BMP6: variants seen among roughly 807,000 people sequenced by gnomAD.
BMP6 encodes VG-1-R.
A neutral mutation model predicts 54.1 loss-of-function variants in BMP6; 17 were observed. That is an observed-to-expected ratio of 0.31 (90% CI 0.22 to 0.47). The LOEUF is 0.47. Ranked by LOEUF, BMP6 falls within the 20% of genes least tolerant of loss-of-function variation. The pLI, the probability that BMP6 is intolerant of heterozygous loss-of-function variation, is 1.00. For synonymous variants in BMP6, 328 were observed against 291.2 expected, an observed-to-expected ratio of 1.13 and a Z score of -1.28; for missense variants, 720 against 690.4, an observed-to-expected ratio of 1.04 and a Z score of -0.48.
rs373427843 is a variant in BMP6 at position 7,872,805 on chromosome 6, T to C, written c.1205-6269T>C. Among the ~76,000 whole-genome samples the C allele has an allele frequency of 3.1e-3, 359 of 117,328 alleles. 2 individuals are homozygous for C. Among genetic ancestry groups the C allele is most frequent in the African/African-American group, 0.013 (334 of 25,682 alleles). 77.0% of individuals were successfully genotyped at this position (117,328 alleles called of 152,430 possible). On this transcript the variant is annotated intron_variant, in intron 4 of 6. Coordinates refer to ENST00000283147, the MANE Select transcript of BMP6 (RefSeq NM_001718.6). ...AGTGTCTTGCAATTCAATCCAATTCTTTTTTTTTCTTTTTTTTTTTTTTTT... is the reference window on the plus strand; with the variant it reads ...AGTGTCTTGCAATTCAATCCAATTCCTTTTTTTTCTTTTTTTTTTTTTTTT...
intron 1 of BMP6, among the ~76,000 whole-genome samples, chr6:7,728,415 G>T (rs1761787521): frequency 6.6e-6 from 1 of 152,200 alleles, no homozygotes; most frequent in Non-Finnish European, 1.5e-5. Context: ...TGAACCGGTT[G>T]CCAGGCAACA....
At chr6:7,821,638 C>T (rs546899925) in intron 1 of BMP6, among the ~76,000 whole-genome samples, 2 of 149,088 alleles carry the variant, frequency 1.3e-5, no homozygotes, top group East Asian at 3.9e-4. Flanking sequence ...ATCACATGAC[C>T]TTGAGTAAGT....
chr6:7,863,633 T>C (rs1338357661), intron 4 of BMP6, among the ~76,000 whole-genome samples: 1 of 152,038 alleles, frequency 6.6e-6, no homozygotes, highest in East Asian at 1.9e-4. Context: ...AGGAATAAGG[T>C]GAGTCCCATT....
chr6:7,739,475 A>G (rs1762009604), intron 1 of BMP6, among the ~76,000 whole-genome samples: 1 of 152,168 alleles, frequency 6.6e-6, no homozygotes, highest in African/African-American at 2.4e-5. Context: ...GTCACTTATT[A>G]TCCTATTATC....
chr6:7,849,596 G>T (rs551107577), intron 2 of BMP6, among the ~76,000 whole-genome samples: 1 of 152,222 alleles, frequency 6.6e-6, no homozygotes, highest in Admixed American at 6.5e-5. Context: ...GTGACATTTT[G>T]AGGTCTTTAG....
chr6:7,813,877 G>T (rs1328002678), intron 1 of BMP6, among the ~76,000 whole-genome samples: 1 of 152,024 alleles, frequency 6.6e-6, no homozygotes, highest in Non-Finnish European at 1.5e-5. Flanking sequence ...TTTCCTCTAC[G>T]GAGGGAAAGC....
chr6:7,845,452 G>A lies in BMP6; in HGVS notation c.857+120G>A, dbSNP rs577703552. On this transcript the variant is annotated intron_variant, in intron 2 of 6. Coordinates refer to ENST00000283147, the MANE Select transcript of BMP6 (RefSeq NM_001718.6). ...CCTGGAGTTCAGGGGCAGCATGTGAGTACGATGAGGTGGGTGTTGTAAATG... is the reference window on the plus strand; with the variant it reads ...CCTGGAGTTCAGGGGCAGCATGTGAATACGATGAGGTGGGTGTTGTAAATG... The A allele has an allele frequency of 6.0e-6, 5 of 836,278 alleles. No individual in the cohort carries two copies. The African/African-American group carries it at 8.7e-5, about 15-fold the overall frequency. The allele number at this position is 836,278 out of a possible 1,614,324, so 51.8% of individuals were successfully genotyped here. A position where few individuals can be genotyped will look rare whatever the true frequency, so the allele number is the denominator to read the frequency against.
At chr6:7,784,223 G>A (rs927251690) in intron 1 of BMP6, among the ~76,000 whole-genome samples, 31 of 152,210 alleles carry the variant, frequency 2.0e-4, no homozygotes, top group African/African-American at 7.0e-4. Flanking sequence ...TTCCTTTTGT[G>A]ATTGTTGACA....
In BMP6 at chr6:7,844,573, C is replaced by T. The variant is rs116280550; in HGVS notation, c.665-567C>T. ...ACAGGCAAAATGTGAAGACCCTTTA[C>T]ACTTCAGGCCCAGGCAAAATGCTTT... On this transcript the variant is annotated intron_variant, in intron 1 of 6. Transcript: ENST00000283147. Among the ~76,000 whole-genome samples the T allele has an allele frequency of 5.2e-3, 788 of 152,234 alleles. 6 individuals are homozygous for T. Among genetic ancestry groups the T allele is most frequent in the Admixed American group, 0.013 (201 of 15,298 alleles).
chr6:7,780,876 A>G (rs1394528717), intron 1 of BMP6, among the ~76,000 whole-genome samples: 1 of 151,742 alleles, frequency 6.6e-6, no homozygotes, highest in Non-Finnish European at 1.5e-5. Context: ...ACACCTGGCT[A>G]ATTTTTGTAT....
chr6:7,785,064 A>G (rs1313576749), intron 1 of BMP6, among the ~76,000 whole-genome samples: 3 of 152,232 alleles, frequency 2.0e-5, no homozygotes, highest in Non-Finnish European at 4.4e-5. Context: ...TCCCAGCCCC[A>G]AGCACCTGTT....
At chr6:7,743,463 A>G (rs959214282) in intron 1 of BMP6, among the ~76,000 whole-genome samples, 1 of 152,228 alleles carries the variant, frequency 6.6e-6, no homozygotes, top group East Asian at 1.9e-4. Flanking sequence ...GTGTTGGATG[A>G]CATGAGATGC....
At chr6:7,845,371 C>G in intron 2 of BMP6, 39 bp downstream of exon 2, 1 of 1,555,406 alleles carries the variant, frequency 6.4e-7, no homozygotes, top group South Asian at 1.2e-5. Flanking sequence ...TGGGGCTGGC[C>G]CCTGTTTCCC....
intron 1 of BMP6, among the ~76,000 whole-genome samples, chr6:7,747,814 T>C (rs1757368608): frequency 7.0e-6 from 1 of 141,910 alleles, no homozygotes; most frequent in Admixed American, 7.0e-5. Context: ...GACTAGCTAA[T>C]TTTTTTTTTT....
At chr6:7,751,908 T>C (rs1210852261) in intron 1 of BMP6, among the ~76,000 whole-genome samples, 1 of 152,252 alleles carries the variant, frequency 6.6e-6, no homozygotes, top group Non-Finnish European at 1.5e-5. Flanking sequence ...GGTGTACCTT[T>C]GAATGGTGTA....
intron 1 of BMP6, among the ~76,000 whole-genome samples, chr6:7,773,039 C>T (rs990744738): frequency 1.3e-5 from 2 of 152,118 alleles, no homozygotes; most frequent in African/African-American, 4.8e-5. Flanking sequence ...GGGACTCTTC[C>T]AAGGCCCTCC....
chr6:7,777,751 A>G (rs1467676670), intron 1 of BMP6, among the ~76,000 whole-genome samples: 2 of 152,098 alleles, frequency 1.3e-5, no homozygotes, highest in East Asian at 1.9e-4. Flanking sequence ...GAACTACCAA[A>G]TTAGTCCTCT....
At chr6:7,795,279 G>A (rs1758175698) in intron 1 of BMP6, among the ~76,000 whole-genome samples, 1 of 152,186 alleles carries the variant, frequency 6.6e-6, no homozygotes, top group Non-Finnish European at 1.5e-5. Context: ...AGAACCACAA[G>A]GAAGGACCCT....
At chr6:7,790,475 A>C (rs1758079415) in intron 1 of BMP6, among the ~76,000 whole-genome samples, 1 of 138,384 alleles carries the variant, frequency 7.2e-6, no homozygotes, top group Non-Finnish European at 1.5e-5. Context: ...CTGAGATCGC[A>C]CTGCACTCCA....
Sources: allele counts gnomAD v4.1 joint callset (sites outside exome capture counted in the v4.1 genomes callset), GRCh38; gene constraint gnomAD v4.1.1; transcripts MANE v1.5; gene names NCBI Gene and HGNC (gene_info 2026-07-23, HGNC 2026-07-21).